The following FUT9 variants were observed in gnomAD, a reference collection of about 807,000 sequenced individuals.
FUT9 encodes the protein fucosyltransferase 9.
A neutral mutation model predicts 29.7 loss-of-function variants in FUT9; 15 were observed. The ratio of observed to expected loss-of-function variants is 0.51; its 90% confidence interval spans 0.34 to 0.78. FUT9 has a LOEUF of 0.78. FUT9 is among the 30% of genes least tolerant of loss of function. FUT9 has a pLI of 0.01. For missense variants in FUT9, 319 were observed against 425.4 expected, an observed-to-expected ratio of 0.75 and a Z score of 2.20; for synonymous variants, 169 against 153.7, an observed-to-expected ratio of 1.10 and a Z score of -0.74.
rs1413303725 is a variant in FUT9 at position 96,204,955 on chromosome 6, GA to G, written c.*722del. ...ATTTGTTGTGATTTTCAGCACCTGG[GA>G]AGTAATCCCAATAATACTTTAGAAA... On this transcript the variant is annotated 3_prime_UTR_variant, in exon 3 of 3. Transcript: ENST00000302103. 1 of 162,276 alleles carries G rather than the reference GA, an allele frequency of 6.2e-6. No individual in the cohort carries two copies. Among genetic ancestry groups the G allele is most frequent in the African/African-American group, 2.4e-5 (1 of 41,404 alleles). 10.1% of individuals were successfully genotyped at this position (162,276 alleles called of 1,614,324 possible).
chr6:96,019,581 T>C (rs1414644534), intron 1 of FUT9, among the ~76,000 whole-genome samples: 1 of 152,048 alleles, frequency 6.6e-6, no homozygotes, highest in Non-Finnish European at 1.5e-5. Flanking sequence ...AATGAATATT[T>C]CAAAATAAGC....
chr6:96,162,995 T>C (rs1772941423), intron 2 of FUT9, among the ~76,000 whole-genome samples: 1 of 152,186 alleles, frequency 6.6e-6, no homozygotes, highest in Non-Finnish European at 1.5e-5. Context: ...GCTCCAGGTG[T>C]ATTTCACAAA....
intron 2 of FUT9, among the ~76,000 whole-genome samples, chr6:96,173,694 CATCTT>C (rs1410991816): frequency 1.3e-5 from 2 of 151,980 alleles, no homozygotes; most frequent in African/African-American, 4.8e-5. Context: ...CAAGATGAAA[CATCTT>C]GTCTTTTATA....
intron 1 of FUT9, among the ~76,000 whole-genome samples, chr6:96,083,159 C>T (rs1771265189): frequency 1.3e-5 from 2 of 151,982 alleles, no homozygotes; most frequent in Non-Finnish European, 2.9e-5. Context: ...AGAGTAGAAA[C>T]TTTGTGTTTT....
At chr6:96,193,838 T>G (rs1773566610) in intron 2 of FUT9, among the ~76,000 whole-genome samples, 1 of 152,172 alleles carries the variant, frequency 6.6e-6, no homozygotes, top group South Asian at 2.1e-4. Context: ...ATTAAGAGAA[T>G]GTGGCACATA....
intron 2 of FUT9, among the ~76,000 whole-genome samples, chr6:96,122,326 G>T (rs1404451492): frequency 6.6e-6 from 1 of 152,114 alleles, no homozygotes; most frequent in Non-Finnish European, 1.5e-5. Context: ...ATCTTATGGG[G>T]CATTGGAATT....
intron 1 of FUT9, among the ~76,000 whole-genome samples, chr6:96,091,941 ACT>A (rs1771418187): frequency 6.6e-6 from 1 of 151,990 alleles, no homozygotes; most frequent in South Asian, 2.1e-4. Context: ...TAATCTTGAA[ACT>A]CTATTAGATC....
intron 1 of FUT9, among the ~76,000 whole-genome samples, chr6:96,088,741 T>A (rs908642989): frequency 7.2e-5 from 11 of 152,222 alleles, no homozygotes; most frequent in African/African-American, 2.2e-4. Flanking sequence ...ATACTCTTCA[T>A]GTCCCAGACC....
At chr6:96,041,536 C>A (rs1247912400) in intron 1 of FUT9, among the ~76,000 whole-genome samples, 4 of 152,130 alleles carry the variant, frequency 2.6e-5, no homozygotes, top group African/African-American at 9.7e-5. Context: ...TCTTTTAGAG[C>A]TACTGGCAGT....
chr6:96,132,223 A>T (rs554718346), intron 2 of FUT9, among the ~76,000 whole-genome samples: 1 of 152,168 alleles, frequency 6.6e-6, no homozygotes, highest in South Asian at 2.1e-4. Context: ...GGAGATAGGA[A>T]TTCTTTTCCA....
chr6:96,143,000 A>G (rs1361287123), intron 2 of FUT9, among the ~76,000 whole-genome samples: 2 of 152,176 alleles, frequency 1.3e-5, no homozygotes, highest in Non-Finnish European at 2.9e-5. Context: ...GATAAGGTAG[A>G]TATTTTGTCT....
intron 2 of FUT9, among the ~76,000 whole-genome samples, chr6:96,139,680 T>G (rs1489333531): frequency 1.3e-5 from 2 of 152,148 alleles, no homozygotes; most frequent in Admixed American, 1.3e-4. Flanking sequence ...TTGACTTCTG[T>G]GCACCCACAG....
intron 2 of FUT9, among the ~76,000 whole-genome samples, chr6:96,133,053 C>A (rs4576261): frequency 6.6e-6 from 1 of 151,928 alleles, no homozygotes; most frequent in Non-Finnish European, 1.5e-5. Flanking sequence ...TAGTGTACAC[C>A]GTACCCAATG....
chr6:96,184,465 ATCTTGGT>A (rs900190974), intron 2 of FUT9, among the ~76,000 whole-genome samples: 1 of 150,312 alleles, frequency 6.7e-6, no homozygotes, highest in African/African-American at 2.4e-5. Context: ...TTCTGCTCTG[ATCTTGGT>A]TATTTCCTTT....
At chr6:96,146,103 T>G (rs1407948285) in intron 2 of FUT9, among the ~76,000 whole-genome samples, 1 of 151,796 alleles carries the variant, frequency 6.6e-6, no homozygotes, top group Non-Finnish European at 1.5e-5. Flanking sequence ...CCTCCCAGAG[T>G]GTTGGGATTA....
At chr6:96,079,703 AC>A (rs59924567) in intron 1 of FUT9, among the ~76,000 whole-genome samples, 4,078 of 152,214 alleles carry the variant, frequency 0.027, 175 homozygotes, top group African/African-American at 0.092. Context: ...AGTGTAAAAA[AC>A]ATCACCTCCA....
intron 1 of FUT9, among the ~76,000 whole-genome samples, chr6:96,113,209 T>C (rs913541334): frequency 6.6e-6 from 1 of 152,118 alleles, no homozygotes; most frequent in Non-Finnish European, 1.5e-5. Context: ...TAATGATATT[T>C]CCCTTATTAT....
intron 2 of FUT9, among the ~76,000 whole-genome samples, chr6:96,187,776 A>G (rs1582295080): frequency 6.6e-6 from 1 of 152,152 alleles, no homozygotes; most frequent in Non-Finnish European, 1.5e-5. Context: ...CTGGGACATA[A>G]GTGAAATGTT....
At chr6:96,089,024 G>C (rs1562120944) in intron 1 of FUT9, among the ~76,000 whole-genome samples, 1 of 152,036 alleles carries the variant, frequency 6.6e-6, no homozygotes, top group Non-Finnish European at 1.5e-5. Flanking sequence ...GATTAATTTT[G>C]ATCCCATTAC....
Sources: gnomAD v4.1 joint callset for allele counts (sites outside exome capture counted in the v4.1 genomes callset) on GRCh38, gnomAD v4.1.1 for gene constraint, MANE v1.5 for transcripts, NCBI Gene and HGNC (gene_info 2026-07-23, HGNC 2026-07-21) for gene names.